The following LEPR variants were observed in gnomAD, a reference collection of about 807,000 sequenced individuals.
The protein encoded by LEPR is OB receptor.
LEPR carries 56 observed loss-of-function variants against 114.7 expected under a neutral mutation model. The observed-to-expected ratio is 0.49, with a 90% confidence interval of 0.39 to 0.61. LEPR has a LOEUF of 0.61. Ranked by LOEUF, LEPR falls within the 20% of genes least tolerant of loss-of-function variation. The pLI is 0.00. For missense variants in LEPR, 1,202 were observed against 1,352.9 expected (o/e 0.89, Z 1.75); for synonymous variants, 443 against 461.4 (o/e 0.96, Z 0.51).
chr1:65,517,160 A>C (rs1030037105), intron 2 of LEPR, among the ~76,000 whole-genome samples: 2 of 152,228 alleles, frequency 1.3e-5, no homozygotes, highest in African/African-American at 4.8e-5. Flanking sequence ...CAAAGTCAAG[A>C]AAACTTTGGT....
intron 2 of LEPR, chr1:65,526,491 G>A (rs1649982109): frequency 1.1e-6 from 1 of 900,168 alleles, no homozygotes; most frequent in Non-Finnish European, 1.3e-6. Flanking sequence ...TCTAGAACTT[G>A]TGTTTGCAAA....
intron 19 of LEPR, among the ~76,000 whole-genome samples, chr1:65,626,866 C>G (rs773183855): frequency 6.6e-6 from 1 of 152,068 alleles, no homozygotes; most frequent in African/African-American, 2.4e-5. Flanking sequence ...AACTCCCAGG[C>G]TCAAGTGATC....
intron 2 of LEPR, among the ~76,000 whole-genome samples, chr1:65,505,594 C>T (rs1648684052): frequency 6.6e-6 from 1 of 152,116 alleles, no homozygotes; most frequent in Admixed American, 6.5e-5. Context: ...TTCCCTTCTT[C>T]ATCATGGTTC....
At chr1:65,486,170 G>A (rs890119580) in intron 2 of LEPR, among the ~76,000 whole-genome samples, 6 of 152,060 alleles carry the variant, frequency 3.9e-5, no homozygotes, top group Admixed American at 6.6e-5. Flanking sequence ...ATTCTCTGAT[G>A]TGAGTTCTGC....
At chr1:65,590,808 T>C (rs1655643519) in intron 5 of LEPR, among the ~76,000 whole-genome samples, 1 of 152,120 alleles carries the variant, frequency 6.6e-6, no homozygotes, top group South Asian at 2.1e-4. Context: ...GTATTATTTT[T>C]CTGTATTCTA....
chr1:65,525,527 C>G (rs1024617020), intron 2 of LEPR: 13 of 687,794 alleles, frequency 1.9e-5, no homozygotes, highest in African/African-American at 9.7e-5. Flanking sequence ...CCTAGCCGCT[C>G]GAGTCCGCTC....
intron 2 of LEPR, among the ~76,000 whole-genome samples, chr1:65,436,734 C>T (rs1327588930): frequency 6.6e-6 from 1 of 152,196 alleles, no homozygotes; most frequent in Non-Finnish European, 1.5e-5. Flanking sequence ...TTGATTATAT[C>T]TTTATCAAAA....
At chr1:65,534,318 A>T (rs763235153) in intron 2 of LEPR, among the ~76,000 whole-genome samples, 1 of 152,190 alleles carries the variant, frequency 6.6e-6, no homozygotes, top group Non-Finnish European at 1.5e-5. Context: ...AAGTTATCGA[A>T]GTTGAAAATG....
At chr1:65,511,107 C>A (rs1014227452) in intron 2 of LEPR, among the ~76,000 whole-genome samples, 1 of 152,138 alleles carries the variant, frequency 6.6e-6, no homozygotes, top group Non-Finnish European at 1.5e-5. Flanking sequence ...GTACTGTACA[C>A]CCAGTTTCCC....
chr1:65,465,416 A>T (rs1486860561), intron 2 of LEPR, among the ~76,000 whole-genome samples: 2 of 152,110 alleles, frequency 1.3e-5, no homozygotes, highest in Non-Finnish European at 2.9e-5. Context: ...CTGTTCTTTT[A>T]CATTTGCTGA....
At chr1:65,507,502 TATATATATAC>T (rs1418893317) in intron 2 of LEPR, among the ~76,000 whole-genome samples, 21 of 128,146 alleles carry the variant, frequency 1.6e-4, no homozygotes, top group African/African-American at 4.2e-4. Context: ...TGTGTGTGTA[TATATATATAC>T]ATATATATGT....
chr1:65,552,675 G>C (rs1204728747), intron 2 of LEPR, among the ~76,000 whole-genome samples: 3 of 152,092 alleles, frequency 2.0e-5, no homozygotes, highest in Admixed American at 2.0e-4. Context: ...TTCCAATTTG[G>C]CAGTCTGTGT....
chr1:65,592,227 A>AC (rs756382309), intron 5 of LEPR, among the ~76,000 whole-genome samples: 5 of 146,512 alleles, frequency 3.4e-5, no homozygotes, highest in Non-Finnish European at 6.0e-5. Flanking sequence ...TTTGTGTGAA[A>AC]CCACATTTCT....
intron 16 of LEPR, among the ~76,000 whole-genome samples, 190 bp downstream of exon 16, chr1:65,618,336 T>TC (rs1657659961): frequency 1.3e-5 from 2 of 152,200 alleles, no homozygotes; most frequent in East Asian, 3.9e-4. Context: ...TTCTCTTTTC[T>TC]TTTCTTTTCG....
rs567714507 is a variant in LEPR at position 65,518,503 on chromosome 1, C to A, written c.-20-47043C>A. ...CACTTCTGGCTTTTTCTCTACAATG[C>A]ACTTTTCTGGCAGCGAATCCTTAAT... On this transcript the variant is annotated intron_variant, in intron 2 of 19. Coordinates refer to ENST00000349533, the MANE Select transcript of LEPR (RefSeq NM_002303.6). Among the ~76,000 whole-genome samples, 34 of 152,322 alleles carry A rather than the reference C, an allele frequency of 2.2e-4. 1 individual carries two copies. Among genetic ancestry groups the A allele is most frequent in the African/African-American group, 8.2e-4 (34 of 41,582 alleles).
At chr1:65,592,248 A>AT (rs58700529) in intron 5 of LEPR, among the ~76,000 whole-genome samples, 14,663 of 117,312 alleles carry the variant, frequency 0.12, 1,205 homozygotes, top group Non-Finnish European at 0.17. Flanking sequence ...ATCTGCTGTC[A>AT]TTTTTTTTTT....
intron 2 of LEPR, among the ~76,000 whole-genome samples, chr1:65,430,862 A>G (rs9436741): frequency 0.41 from 62,743 of 152,062 alleles, 15,808 homozygotes; most frequent in African/African-American, 0.72. Context: ...AGGGGCACCA[A>G]GAAGAGAGAA....
At chr1:65,493,710 C>G (rs369389359) in intron 2 of LEPR, among the ~76,000 whole-genome samples, 5 of 152,026 alleles carry the variant, frequency 3.3e-5, no homozygotes, top group Non-Finnish European at 7.4e-5. Context: ...CTTGTTTTCT[C>G]TTGTATATCG....
chr1:65,633,043 T>A lies in LEPR; in HGVS notation c.2674-3148T>A. On this transcript the variant is annotated intron_variant, in intron 19 of 19. Transcript: ENST00000349533. The surrounding 1 kb of genome is among the most constrained non-coding windows in gnomAD (Gnocchi z 4.1). ...CATTATTGTAACCTAACACAAAAAT[T>A]TATAGTCCAGAACCCATGCTTGACA... is the stretch of plus-strand genomic sequence containing the variant. 1 of 890,552 alleles carries A rather than the reference T, an allele frequency of 1.1e-6. No homozygotes were observed. The highest frequency in any genetic ancestry group is 2.6e-5 in the East Asian group (1 of 38,022). The allele number at this position is 890,552 out of a possible 1,614,324, so 55.2% of individuals were successfully genotyped here.
Sources: gnomAD v4.1 joint callset for allele counts (sites outside exome capture counted in the v4.1 genomes callset) on GRCh38, gnomAD v4.1.1 for gene constraint, Gnocchi (gnomAD v3.1) non-coding constraint, MANE v1.5 for transcripts, NCBI Gene and HGNC (gene_info 2026-07-23, HGNC 2026-07-21) for gene names.